EYS: variants seen among roughly 807,000 people sequenced by gnomAD.
EYS encodes the protein protein eyes shut homolog.
A neutral mutation model predicts 282.1 loss-of-function variants in EYS; 250 were observed. The observed-to-expected ratio is 0.89, with a 90% CI of 0.80 to 0.98. The LOEUF (loss-of-function observed/expected upper bound fraction) is 0.98. Ranked by LOEUF, EYS falls within the 50% of genes least tolerant of loss-of-function variation. The probability of loss-of-function intolerance (pLI) is 0.00; values close to 1 mark genes in which losing one functional copy is unlikely to be tolerated. For synonymous variants in EYS, 1,355 were observed against 1,282.9 expected (o/e 1.06, Z -1.20); for missense variants, 4,016 against 3,709.0 (o/e 1.08, Z -2.15).
chr6:64,632,518 A>G (rs1767817003), intron 22 of EYS, among the ~76,000 whole-genome samples: 1 of 19,730 alleles, frequency 5.1e-5, no homozygotes, highest in Non-Finnish European at 1.5e-4. Flanking sequence ...AGGAATAACC[A>G]TAAACCAAAC....
intron 19 of EYS, among the ~76,000 whole-genome samples, chr6:64,837,500 A>G (rs971376292): frequency 6.6e-6 from 1 of 151,202 alleles, no homozygotes; most frequent in African/African-American, 2.4e-5. Flanking sequence ...TAAGAGAAAG[A>G]AATAAAAAAC....
intron 5 of EYS, among the ~76,000 whole-genome samples, chr6:65,480,007 A>G (rs1276058283): frequency 6.6e-6 from 1 of 151,052 alleles, no homozygotes; most frequent in African/African-American, 2.4e-5. Flanking sequence ...TACAAAAAAA[A>G]AAAAAAAATT....
chr6:65,125,227 A>G (rs967107644), intron 12 of EYS, among the ~76,000 whole-genome samples: 3 of 152,208 alleles, frequency 2.0e-5, no homozygotes, highest in African/African-American at 7.2e-5. Context: ...TCATTTATTC[A>G]AGATAAAATA....
At chr6:64,837,138 G>A (rs749157080) in intron 19 of EYS, among the ~76,000 whole-genome samples, 1 of 151,492 alleles carries the variant, frequency 6.6e-6, no homozygotes, top group Non-Finnish European at 1.5e-5. Context: ...CACTTTTTGT[G>A]GTAGGCATTT....
chr6:65,008,444 T>C (rs2144711), intron 13 of EYS, among the ~76,000 whole-genome samples: 62,178 of 151,876 alleles, frequency 0.41, 14,091 homozygotes, highest in African/African-American at 0.6. Flanking sequence ...GAGGAGCAGG[T>C]GGAACAGGAC....
chr6:64,619,761 A>G (rs546946837), intron 23 of EYS, among the ~76,000 whole-genome samples: 4 of 151,908 alleles, frequency 2.6e-5, no homozygotes, highest in East Asian at 1.9e-4. Context: ...TGCAGCCTCA[A>G]CCTCCTGGGT....
At chr6:64,943,502 A>G (rs1769169934) in intron 15 of EYS, among the ~76,000 whole-genome samples, 1 of 152,150 alleles carries the variant, frequency 6.6e-6, no homozygotes, top group Admixed American at 6.6e-5. Context: ...ATGTATACAA[A>G]TCAGTAACAT....
chr6:64,530,656 G>T (rs1314192989), intron 26 of EYS, among the ~76,000 whole-genome samples: 1 of 151,838 alleles, frequency 6.6e-6, no homozygotes, highest in Non-Finnish European at 1.5e-5. Context: ...TTTGTGTTTG[G>T]CTGTTTTTTA....
At position 65,010,652 on chromosome 6, in the gene EYS, A is replaced by T. The variant is rs1361199592; in HGVS notation, c.2138-12949T>A. Reference sequence around the variant, plus strand: ...GGTCAGTGATAATGGAATACTTGAAAGTAATCCCTTCACTGCAGGAACTAG... The same window carrying T: ...GGTCAGTGATAATGGAATACTTGAATGTAATCCCTTCACTGCAGGAACTAG... On this transcript the variant is annotated intron_variant, in intron 13 of 42. Coordinates refer to ENST00000503581, the MANE Select transcript of EYS (RefSeq NM_001142800.2). Among the ~76,000 whole-genome samples the T allele has an allele frequency of 2.6e-5, 4 of 152,236 alleles. No homozygotes were observed. The East Asian group carries it at 7.7e-4, about 29-fold the overall frequency.
At position 65,353,453 on chromosome 6, in the gene EYS, G is replaced by A. The variant is rs200387978; in HGVS notation, c.1459+5C>T. The stretch of plus-strand genomic sequence containing the variant: ...AGATTGAAAAAAATTACATAAATTT[G>A]TTACCTGCAAATCCCAATTGCCACA... On this transcript the variant is annotated splice_donor_5th_base_variant and intron_variant, in intron 9 of 42. Coordinates refer to ENST00000503581, the MANE Select transcript of EYS (RefSeq NM_001142800.2). The A allele has an allele frequency of 7.4e-4, 1,192 of 1,612,322 alleles. 1 individual carries two copies. The highest frequency in any genetic ancestry group is 9.5e-4 in the Non-Finnish European group (1,120 of 1,178,892).
intron 31 of EYS, among the ~76,000 whole-genome samples, chr6:64,214,285 T>C (rs1161481466): frequency 2.0e-5 from 3 of 152,152 alleles, no homozygotes; most frequent in Non-Finnish European, 4.4e-5. Context: ...AGAACTAATC[T>C]TAAGTGGCTC....
intron 28 of EYS, chr6:64,412,523 G>A (rs904277076): frequency 6.6e-6 from 1 of 152,034 alleles, no homozygotes; most frequent in Non-Finnish European, 1.5e-5. Context: ...AAAAGGAGAA[G>A]GCATTTGAGA....
At chr6:63,898,735 C>G (rs938857069) in intron 35 of EYS, among the ~76,000 whole-genome samples, 1 of 151,738 alleles carries the variant, frequency 6.6e-6, no homozygotes, top group African/African-American at 2.4e-5. Flanking sequence ...AAATATCACT[C>G]GAATGATGAA....
At chr6:65,519,726 T>C (rs1485606794) in intron 2 of EYS, among the ~76,000 whole-genome samples, 1 of 89,720 alleles carries the variant, frequency 1.1e-5, no homozygotes. Context: ...TTTTTTTTTT[T>C]TTTTTTTGAG....
intron 30 of EYS, among the ~76,000 whole-genome samples, chr6:64,261,707 A>T (rs1767595394): frequency 6.6e-6 from 1 of 151,924 alleles, no homozygotes; most frequent in Admixed American, 6.6e-5. Context: ...TTGTTTTGGC[A>T]TATATTGAGA....
chr6:64,308,115 C>G (rs1176645682), intron 29 of EYS, among the ~76,000 whole-genome samples: 1 of 151,970 alleles, frequency 6.6e-6, no homozygotes. Context: ...ATTACCTTGC[C>G]TTATCTGCAG....
At chr6:63,787,932 T>G (rs1222613524) in intron 39 of EYS, among the ~76,000 whole-genome samples, 173 bp downstream of exon 39, 1 of 151,834 alleles carries the variant, frequency 6.6e-6, no homozygotes, top group Admixed American at 6.6e-5. Context: ...AGAGCGAAAC[T>G]CCATCTAAAA....
At chr6:64,516,331 A>C (rs1028872713) in intron 26 of EYS, among the ~76,000 whole-genome samples, 2 of 151,786 alleles carry the variant, frequency 1.3e-5, no homozygotes, top group African/African-American at 4.8e-5. Context: ...AGGACCAGGA[A>C]AAGTAACTAA....
In EYS at chr6:65,521,010, C is replaced by G. The variant is rs139919418; in HGVS notation, c.-332-25017G>C. Among the ~76,000 whole-genome samples the G allele has an allele frequency of 1.8e-4, 27 of 152,210 alleles. No individual in the cohort carries two copies. The East Asian group carries it at 4.4e-3, about 25-fold the overall frequency. Reference sequence around the variant, plus strand: ...TGCTGATGGACTAGGCTCACATGTTCCAATTTGCTGTTTGCAAGGTTGACA... The same window carrying G: ...TGCTGATGGACTAGGCTCACATGTTGCAATTTGCTGTTTGCAAGGTTGACA... On this transcript the variant is annotated intron_variant, in intron 2 of 42. Transcript: ENST00000503581.
Sources: allele counts gnomAD v4.1 joint callset (sites outside exome capture counted in the v4.1 genomes callset), GRCh38; gene constraint gnomAD v4.1.1; transcripts MANE v1.5; gene names NCBI Gene and HGNC (gene_info 2026-07-23, HGNC 2026-07-21).